HIVEP3: variants seen among roughly 807,000 people sequenced by gnomAD.
The protein encoded by HIVEP3 is HIVEP zinc finger 3.
Under a neutral mutation model 152.8 loss-of-function variants are expected in HIVEP3, and 49 were observed. The observed-to-expected ratio is 0.32, with a 90% CI of 0.26 to 0.41. The LOEUF (loss-of-function observed/expected upper bound fraction) is 0.41, where lower values mean the gene tolerates loss of function less well. Among genes scored for constraint, HIVEP3 ranks in the 10% least tolerant of loss-of-function variants. The probability of loss-of-function intolerance (pLI) is 1.00; values close to 1 mark genes in which losing one functional copy is unlikely to be tolerated. For synonymous variants in HIVEP3, 1,269 were observed against 1,289.0 expected, an observed-to-expected ratio of 0.98 and a Z score of 0.33; for missense variants, 2,790 against 3,103.3, an observed-to-expected ratio of 0.90 and a Z score of 2.40.
At chr1:41,938,926 GCCTTTC>G (rs1363049842) in intron 1 of HIVEP3, among the ~76,000 whole-genome samples, 1 of 152,186 alleles carries the variant, frequency 6.6e-6, no homozygotes, top group Non-Finnish European at 1.5e-5. Flanking sequence ...ATCAAAGCCA[GCCTTTC>G]TGGACTTCAT....
exon 1 of HIVEP3, chr1:42,035,911 T>C (rs1244067785): frequency 2.0e-5 from 3 of 150,252 alleles, no homozygotes; most frequent in Non-Finnish European, 4.5e-5. Flanking sequence ...CGAGGAGCCG[T>C]GGCGCGGCGG....
intron 1 of HIVEP3, among the ~76,000 whole-genome samples, chr1:41,937,332 A>G (rs1645024747): frequency 6.6e-6 from 1 of 152,180 alleles, no homozygotes; most frequent in Non-Finnish European, 1.5e-5. Context: ...CTTCCTGGTC[A>G]TGATGTTGGT....
In HIVEP3 at chr1:41,872,016, G is replaced by C. The variant is rs181763826; in HGVS notation, c.-801+46397C>G. Among the ~76,000 whole-genome samples the C allele has an allele frequency of 1.5e-3, 221 of 152,256 alleles. 2 individuals carry two copies. Among genetic ancestry groups the C allele is most frequent in the Non-Finnish European group, 1.4e-3 (94 of 68,014 alleles). ...TGCAACCATTTCAAGTGAACAGTGGGTTTTGACAAATGTATATACCCAAGT... is the reference window on the plus strand; with the variant it reads ...TGCAACCATTTCAAGTGAACAGTGGCTTTTGACAAATGTATATACCCAAGT... On this transcript the variant is annotated intron_variant, in intron 1 of 8. Coordinates refer to ENST00000372583, the MANE Select transcript of HIVEP3 (RefSeq NM_024503.5).
At chr1:41,568,091 C>A (rs1485574293) in intron 5 of HIVEP3, among the ~76,000 whole-genome samples, 1 of 152,238 alleles carries the variant, frequency 6.6e-6, no homozygotes, top group Non-Finnish European at 1.5e-5. Context: ...AGGCACTATT[C>A]TCAGCACTGG....
At chr1:41,609,654 G>A (rs146720399) in intron 3 of HIVEP3, among the ~76,000 whole-genome samples, 51 of 152,306 alleles carry the variant, frequency 3.3e-4, no homozygotes, top group African/African-American at 1.1e-3. Context: ...TAGGCCCCAC[G>A]GCATGGCTCT....
intron 1 of HIVEP3, among the ~76,000 whole-genome samples, chr1:41,830,088 T>C (rs1642918042): frequency 1.3e-5 from 2 of 152,222 alleles, no homozygotes; most frequent in South Asian, 2.1e-4. Context: ...CCCCGTAGAT[T>C]TGAATGCTGA....
intron 5 of HIVEP3, among the ~76,000 whole-genome samples, chr1:41,552,188 G>A (rs561341590): frequency 1.3e-4 from 20 of 152,096 alleles, no homozygotes; most frequent in Admixed American, 7.2e-4. Context: ...GTAGTTGTGC[G>A]GTTTTGAATG....
At chr1:41,690,630 G>T (rs1161041161) in intron 2 of HIVEP3, among the ~76,000 whole-genome samples, 1 of 152,154 alleles carries the variant, frequency 6.6e-6, no homozygotes, top group East Asian at 1.9e-4. Flanking sequence ...TGAAAGCATG[G>T]ATTCTGGCCC....
chr1:41,703,970 C>A (rs1200513105), intron 1 of HIVEP3, among the ~76,000 whole-genome samples: 1 of 152,192 alleles, frequency 6.6e-6, no homozygotes, highest in African/African-American at 2.4e-5. Context: ...TAGAGTCAGA[C>A]ACTTAAATTC....
chr1:41,691,589 G>C (rs1414924903), intron 2 of HIVEP3, among the ~76,000 whole-genome samples: 1 of 152,160 alleles, frequency 6.6e-6, no homozygotes, highest in African/African-American at 2.4e-5. Flanking sequence ...ACAGCAAAAA[G>C]GTAACACCTA....
rs1645168528 is a variant in HIVEP3 at position 41,961,349 on chromosome 1, C to T, written n.120-42825G>A. Among the ~76,000 whole-genome samples the T allele has an allele frequency of 4.6e-5, 7 of 152,338 alleles. No homozygotes were observed. In the South Asian group the frequency reaches 1.4e-3, roughly 32 times the overall value. ...ATCAAGAGACACAATAAAATGATTG[C>T]TATTATTTTGAGCCACTAAATTCCA... On this transcript the variant is annotated intron_variant and non_coding_transcript_variant, in intron 1 of 3. Transcript: ENST00000489103.
intron 1 of HIVEP3, among the ~76,000 whole-genome samples, chr1:41,729,639 G>A (rs1646809677): frequency 1.3e-5 from 2 of 152,220 alleles, no homozygotes; most frequent in African/African-American, 4.8e-5. Flanking sequence ...GTGAAGAGAA[G>A]AGAGGGAGAA....
chr1:41,925,561 G>A (rs895142450), intron 1 of HIVEP3, among the ~76,000 whole-genome samples: 1 of 152,188 alleles, frequency 6.6e-6, no homozygotes, highest in Admixed American at 6.5e-5. Context: ...TGGTATCTCA[G>A]GGGTGGCAGA....
At chr1:42,020,821 G>A (rs550497862) in intron 1 of HIVEP3, among the ~76,000 whole-genome samples, 1 of 152,320 alleles carries the variant, frequency 6.6e-6, no homozygotes, top group Non-Finnish European at 1.5e-5. Flanking sequence ...GTCTGGGGAG[G>A]TGGAAAGGAA....
chr1:41,909,504 A>G (rs1644764129), intron 1 of HIVEP3, among the ~76,000 whole-genome samples: 7 of 152,182 alleles, frequency 4.6e-5, no homozygotes, highest in Admixed American at 4.6e-4. Flanking sequence ...GACCATAAGA[A>G]GAAACAGAAA....
intron 5 of HIVEP3, among the ~76,000 whole-genome samples, chr1:41,545,286 ACCACC>A: frequency 6.9e-6 from 1 of 145,524 alleles, no homozygotes; most frequent in Non-Finnish European, 1.5e-5. Flanking sequence ...CACTACCACC[ACCACC>A]ATCACCACCT....
intron 4 of HIVEP3, 112 bp from the exon 5 acceptor site, chr1:41,575,801 A>G: frequency 8.6e-7 from 1 of 1,162,692 alleles, no homozygotes; most frequent in Non-Finnish European, 1.2e-6. Flanking sequence ...ACACATATGC[A>G]ATCTTCACAC....
At chr1:41,634,203 T>C (rs752882455) in intron 2 of HIVEP3, among the ~76,000 whole-genome samples, 10 of 150,266 alleles carry the variant, frequency 6.7e-5, no homozygotes, top group African/African-American at 2.5e-4. Context: ...AAGGACAATA[T>C]AGGATATCCA....
In HIVEP3 at chr1:41,584,288, C is replaced by T. The variant is rs143722405; in HGVS notation, c.510G>A (p.Gln170=). ...CCTCTTCTGTGGGCTTCAAGGAGACCTGGGAAGGACGAGGCACGAAGACTT... is the reference window on the plus strand; with the variant it reads ...CCTCTTCTGTGGGCTTCAAGGAGACTTGGGAAGGACGAGGCACGAAGACTT... ...VPKVFVPRPS[Q]VSLKPTEEAH... Residue 170 remains glutamine, a synonymous_variant, in exon 4 of 9, where the codon CAG becomes CAA. Coordinates refer to ENST00000372583, the MANE Select transcript of HIVEP3 (RefSeq NM_024503.5). The surrounding 1 kb of genome is among the most constrained non-coding windows in gnomAD (Gnocchi z 5.2). The T allele has an allele frequency of 1.9e-6, 3 of 1,613,690 alleles. No homozygotes were observed. The highest frequency in any genetic ancestry group is 2.5e-6 in the Non-Finnish European group (3 of 1,179,794).
Sources: allele counts gnomAD v4.1 joint callset (sites outside exome capture counted in the v4.1 genomes callset), GRCh38; gene constraint gnomAD v4.1.1; non-coding constraint Gnocchi (gnomAD v3.1); transcripts MANE v1.5; gene names NCBI Gene and HGNC (gene_info 2026-07-23, HGNC 2026-07-21).